Variants in TMCC1 observed in about 807,000 individuals in gnomAD.
TMCC1 encodes transmembrane and coiled-coil domains protein 1.
In TMCC1, 15 loss-of-function variants were observed where a neutral mutation model predicts 52.4. That is an observed-to-expected ratio of 0.29 (90% CI 0.19 to 0.44). The LOEUF is 0.44. TMCC1 is among the 20% of genes least tolerant of loss of function. The pLI is 1.00. For missense variants in TMCC1, 503 were observed against 806.0 expected, an observed-to-expected ratio of 0.62 and a Z score of 4.55; for synonymous variants, 279 against 301.9, an observed-to-expected ratio of 0.92 and a Z score of 0.79.
At chr3:129,668,305 G>A (rs1347057082) in intron 5 of TMCC1, among the ~76,000 whole-genome samples, 1 of 152,206 alleles carries the variant, frequency 6.6e-6, no homozygotes, top group Non-Finnish European at 1.5e-5. Context: ...AACAGCATCT[G>A]TTCCCCTAAC....
intron 4 of TMCC1, among the ~76,000 whole-genome samples, chr3:129,770,509 C>T (rs1360118561): frequency 6.6e-5 from 10 of 151,872 alleles, no homozygotes; most frequent in South Asian, 2.1e-4. Context: ...GCCTAGGAGG[C>T]GGAGGCTGCA....
intron 4 of TMCC1, among the ~76,000 whole-genome samples, chr3:129,722,028 C>T (rs2049653770): frequency 6.6e-6 from 1 of 152,188 alleles, no homozygotes; most frequent in Admixed American, 6.5e-5. Flanking sequence ...ACATTTTAAT[C>T]ATTGTTTCAA....
intron 1 of TMCC1, among the ~76,000 whole-genome samples, chr3:129,884,784 G>A (rs1203500121): frequency 6.6e-6 from 1 of 152,078 alleles, no homozygotes; most frequent in Non-Finnish European, 1.5e-5. Flanking sequence ...AAAAATGGTG[G>A]TCAATATATA....
At chr3:129,886,159 T>C (rs2061689985) in intron 1 of TMCC1, among the ~76,000 whole-genome samples, 1 of 152,210 alleles carries the variant, frequency 6.6e-6, no homozygotes, top group Admixed American at 6.5e-5. Flanking sequence ...GATAACTGAA[T>C]GGTTCACATA....
chr3:129,679,204 A>C (rs1192433163), intron 4 of TMCC1, among the ~76,000 whole-genome samples: 1 of 152,170 alleles, frequency 6.6e-6, no homozygotes, highest in African/African-American at 2.4e-5. Flanking sequence ...TTCTTTCTGG[A>C]GTGCTCTTCC....
intron 4 of TMCC1, among the ~76,000 whole-genome samples, chr3:129,771,706 T>A (rs774792609): frequency 3.8e-5 from 5 of 130,528 alleles, no homozygotes; most frequent in Non-Finnish European, 6.2e-5. Flanking sequence ...CCCCAGGAGG[T>A]CAAGGCTGCA....
At chr3:129,731,031 C>T (rs2050496466) in intron 4 of TMCC1, among the ~76,000 whole-genome samples, 1 of 152,132 alleles carries the variant, frequency 6.6e-6, no homozygotes, top group Non-Finnish European at 1.5e-5. Flanking sequence ...AGGAATTAAA[C>T]CCGGAGAAGA....
chr3:129,679,355 G>C (rs1226878142), intron 4 of TMCC1, among the ~76,000 whole-genome samples: 1 of 152,064 alleles, frequency 6.6e-6, no homozygotes, highest in Non-Finnish European at 1.5e-5. Context: ...ATCCAGGCTG[G>C]AGTGCAGTGG....
chr3:129,824,655 G>A (rs1036073314), intron 4 of TMCC1, among the ~76,000 whole-genome samples: 1 of 149,348 alleles, frequency 6.7e-6, no homozygotes, highest in Non-Finnish European at 1.5e-5. Context: ...GTTTTGCTAC[G>A]TAAAGTATCT....
At chr3:129,867,281 C>A (rs991313061) in intron 2 of TMCC1, among the ~76,000 whole-genome samples, 1 of 152,200 alleles carries the variant, frequency 6.6e-6, no homozygotes, top group African/African-American at 2.4e-5. Flanking sequence ...ATTCAAGTAT[C>A]TCCATGCTTT....
chr3:129,760,452 CTCTGTG>C (rs1390231063), intron 4 of TMCC1, among the ~76,000 whole-genome samples: 16 of 68,442 alleles, frequency 2.3e-4, no homozygotes, highest in African/African-American at 4.5e-4. Context: ...GACAGTCTCG[CTCTGTG>C]TGTGTGTGTG....
intron 4 of TMCC1, among the ~76,000 whole-genome samples, chr3:129,785,586 A>AC (rs2055950291): frequency 2.3e-5 from 3 of 128,278 alleles, no homozygotes; most frequent in Admixed American, 7.9e-5. Context: ...CACACACACA[A>AC]ACACACACAC....
intron 5 of TMCC1, among the ~76,000 whole-genome samples, chr3:129,667,618 C>G (rs994298333): frequency 5.9e-5 from 9 of 152,126 alleles, no homozygotes; most frequent in Admixed American, 4.6e-4. Context: ...CATTTACCTA[C>G]TAGAAAGAAC....
At chr3:129,727,306 T>C (rs2050184360) in intron 4 of TMCC1, among the ~76,000 whole-genome samples, 2 of 152,166 alleles carry the variant, frequency 1.3e-5, no homozygotes, top group South Asian at 4.1e-4. Flanking sequence ...TCAATGAAGG[T>C]TCCTTTCTAG....
intron 4 of TMCC1, among the ~76,000 whole-genome samples, chr3:129,685,795 C>T (rs2089360493): frequency 1.3e-5 from 2 of 152,202 alleles, no homozygotes; most frequent in Non-Finnish European, 2.9e-5. Context: ...ATGTCCAAAA[C>T]CAAACATCAT....
chr3:129,675,116 G>T (rs979487024), intron 4 of TMCC1, among the ~76,000 whole-genome samples: 3 of 152,238 alleles, frequency 2.0e-5, no homozygotes, highest in African/African-American at 7.2e-5. Context: ...TTATAGGCGT[G>T]AGCCACTGTG....
At chr3:129,884,957 G>A (rs1448470952) in intron 1 of TMCC1, among the ~76,000 whole-genome samples, 3 of 151,812 alleles carry the variant, frequency 2.0e-5, no homozygotes, top group Admixed American at 2.0e-4. Flanking sequence ...TGGGCAACAT[G>A]GTGAAACCTC....
intron 4 of TMCC1, among the ~76,000 whole-genome samples, chr3:129,733,322 T>C (rs1021990531): frequency 6.6e-6 from 1 of 152,204 alleles, no homozygotes; most frequent in African/African-American, 2.4e-5. Context: ...TCTAGAAAAG[T>C]CACCAGATAA....
rs2086235697 is a variant in TMCC1 at position 129,650,148 on chromosome 3, T to C, written c.*1333A>G. 1 of 152,554 alleles carries C rather than the reference T, an allele frequency of 6.6e-6. No homozygotes were observed. The highest frequency in any genetic ancestry group is 1.5e-5 in the Non-Finnish European group (1 of 68,036). 9.5% of individuals were successfully genotyped at this position (152,554 alleles called of 1,614,324 possible). On this transcript the variant is annotated 3_prime_UTR_variant, in exon 7 of 7. Transcript: ENST00000393238. The stretch of plus-strand genomic sequence containing the variant: ...AAGACAGAAGACTCCACATCATCAC[T>C]TTGGTTGTAATTAGGGGTGTTAACA...
Sources: gnomAD v4.1 joint callset for allele counts (sites outside exome capture counted in the v4.1 genomes callset) on GRCh38, gnomAD v4.1.1 for gene constraint, MANE v1.5 for transcripts, NCBI Gene and HGNC (gene_info 2026-07-23, HGNC 2026-07-21) for gene names.